Variants in PTPRR observed in about 807,000 individuals in gnomAD.
PTPRR encodes the protein protein tyrosine phosphatase receptor type R.
In PTPRR, 38 loss-of-function variants were observed where a neutral mutation model predicts 77.2. That is an observed-to-expected ratio of 0.49 (90% CI 0.38 to 0.65). PTPRR has a LOEUF of 0.65. Ranked by LOEUF, PTPRR falls within the 30% of genes least tolerant of loss-of-function variation. The pLI is 0.00. For missense variants in PTPRR, 744 were observed against 799.2 expected, an observed-to-expected ratio of 0.93 and a Z score of 0.83; for synonymous variants, 299 against 283.1, an observed-to-expected ratio of 1.06 and a Z score of -0.57.
At chr12:70,842,191 T>C (rs952647409) in intron 2 of PTPRR, among the ~76,000 whole-genome samples, 3 of 152,196 alleles carry the variant, frequency 2.0e-5, no homozygotes, top group African/African-American at 7.2e-5. Context: ...CTTTTCCCTA[T>C]AATTCTCTGT....
In PTPRR at chr12:70,920,548, C is replaced by T; in HGVS notation, c.-158G>A. 2 of 656,520 alleles carry T rather than the reference C, an allele frequency of 3.0e-6. No individual in the cohort carries two copies. The highest frequency in any genetic ancestry group is 5.4e-6 in the Non-Finnish European group (2 of 372,828). The allele number at this position is 656,520 out of a possible 1,614,324, so 40.7% of individuals were successfully genotyped here. ...GTCAGTCTGTGGCGCCGACAGAAAC[C>T]AGCACCAGCTTCAACCTCCCTAAGA... On this transcript the variant is annotated 5_prime_UTR_variant, in exon 1 of 14. Transcript: ENST00000283228.
At chr12:70,849,872 CT>C (rs1356191901) in intron 2 of PTPRR, among the ~76,000 whole-genome samples, 1 of 152,032 alleles carries the variant, frequency 6.6e-6, no homozygotes, top group Non-Finnish European at 1.5e-5. Flanking sequence ...CAAGTAAGAG[CT>C]GTTATTTTTA....
At chr12:70,818,387 A>C (rs1321675255) in intron 2 of PTPRR, among the ~76,000 whole-genome samples, 1 of 152,198 alleles carries the variant, frequency 6.6e-6, no homozygotes, top group Non-Finnish European at 1.5e-5. Context: ...GATAACATCA[A>C]TGTAAAACAT....
intron 2 of PTPRR, among the ~76,000 whole-genome samples, chr12:70,889,685 C>T (rs1179030178): frequency 6.6e-6 from 1 of 152,030 alleles, no homozygotes; most frequent in Non-Finnish European, 1.5e-5. Context: ...AGAATGCTTC[C>T]TGCTTCCCTA....
chr12:70,775,298 C>G (rs1026884192), intron 2 of PTPRR, among the ~76,000 whole-genome samples: 1 of 152,164 alleles, frequency 6.6e-6, no homozygotes, highest in African/African-American at 2.4e-5. Flanking sequence ...CACTACTGTT[C>G]CCCTCCACAA....
intron 2 of PTPRR, among the ~76,000 whole-genome samples, chr12:70,817,869 C>T (rs982720054): frequency 6.6e-6 from 1 of 152,200 alleles, no homozygotes; most frequent in Non-Finnish European, 1.5e-5. Context: ...CTGAAATTAT[C>T]TTTTTAAAAT....
chr12:70,680,209 T>A (rs1336423147), intron 10 of PTPRR, among the ~76,000 whole-genome samples: 1 of 152,238 alleles, frequency 6.6e-6, no homozygotes, highest in East Asian at 1.9e-4. Context: ...TTATTTTAAA[T>A]TCCTTTTCAG....
chr12:70,757,297 G>A (rs577381930), intron 4 of PTPRR, among the ~76,000 whole-genome samples: 41 of 152,200 alleles, frequency 2.7e-4, no homozygotes, highest in Middle Eastern at 3.4e-3. Context: ...ATAAGATTTG[G>A]AAACTGGAGT....
chr12:70,894,020 A>G (rs1038685047), intron 1 of PTPRR, among the ~76,000 whole-genome samples: 1 of 151,812 alleles, frequency 6.6e-6, no homozygotes, highest in African/African-American at 2.4e-5. Context: ...AATACATATG[A>G]ATCAAAAAGA....
At chr12:70,842,570 A>G (rs1241244351) in intron 2 of PTPRR, among the ~76,000 whole-genome samples, 2 of 152,148 alleles carry the variant, frequency 1.3e-5, no homozygotes, top group Non-Finnish European at 2.9e-5. Context: ...AGCTGTTGGC[A>G]TTGTTTGACT....
intron 6 of PTPRR, among the ~76,000 whole-genome samples, chr12:70,731,005 G>T (rs1889636040): frequency 7.0e-6 from 1 of 143,328 alleles, no homozygotes; most frequent in Non-Finnish European, 1.5e-5. Flanking sequence ...GGAGGAAGGA[G>T]AGATAGAGGA....
chr12:70,747,727 T>C (rs1890258669), intron 5 of PTPRR, among the ~76,000 whole-genome samples: 1 of 152,236 alleles, frequency 6.6e-6, no homozygotes, highest in African/African-American at 2.4e-5. Flanking sequence ...CCTGTCTCTG[T>C]GTGGTACGTG....
intron 2 of PTPRR, among the ~76,000 whole-genome samples, chr12:70,848,786 G>A (rs2137067147): frequency 6.6e-6 from 1 of 152,284 alleles, no homozygotes; most frequent in South Asian, 2.1e-4. Context: ...AAACACTGGG[G>A]TAGAATATGT....
intron 10 of PTPRR, chr12:70,671,808 C>G (rs182489451): frequency 7.2e-6 from 4 of 552,020 alleles, no homozygotes; most frequent in Non-Finnish European, 9.9e-6. Context: ...TGCAGTTCCC[C>G]GGCTAGCTGC....
chr12:70,842,138 T>C (rs1413405372), intron 2 of PTPRR, among the ~76,000 whole-genome samples: 1 of 152,268 alleles, frequency 6.6e-6, no homozygotes, highest in East Asian at 1.9e-4. Flanking sequence ...TGACTTTTTA[T>C]GCATGACTTG....
chr12:70,780,118 A>T (rs1305337029), intron 2 of PTPRR, among the ~76,000 whole-genome samples: 2 of 152,008 alleles, frequency 1.3e-5, no homozygotes, highest in African/African-American at 2.4e-5. Flanking sequence ...CAGCCTCCCG[A>T]GTAGATGGGA....
chr12:70,778,756 T>C (rs1891141736), intron 2 of PTPRR, among the ~76,000 whole-genome samples: 1 of 152,230 alleles, frequency 6.6e-6, no homozygotes, highest in African/African-American at 2.4e-5. Flanking sequence ...GTGATTGTTG[T>C]AGACAAGACA....
intron 4 of PTPRR, 120 bp from the exon 5 acceptor site, chr12:70,754,421 C>T (rs1306830550): frequency 5.1e-6 from 8 of 1,562,382 alleles, no homozygotes; most frequent in Non-Finnish European, 6.0e-6. Flanking sequence ...CACACCTACA[C>T]CCCCCGCTGC....
chr12:70,866,356 A>T (rs1295703391), intron 2 of PTPRR, among the ~76,000 whole-genome samples: 2 of 152,202 alleles, frequency 1.3e-5, no homozygotes, highest in East Asian at 3.9e-4. Context: ...GGATATCACC[A>T]CCGATCCCAC....
Sources: gnomAD v4.1 joint callset for allele counts (sites outside exome capture counted in the v4.1 genomes callset) on GRCh38, gnomAD v4.1.1 for gene constraint, MANE v1.5 for transcripts, NCBI Gene and HGNC (gene_info 2026-07-23, HGNC 2026-07-21) for gene names.